Variants in CC2D2B observed in about 807,000 individuals in gnomAD.
CC2D2B encodes coiled-coil and C2 domain containing 2B.
A neutral mutation model predicts 161.2 loss-of-function variants in CC2D2B; 128 were observed. That is an observed-to-expected ratio of 0.79 (90% CI 0.69 to 0.92). The LOEUF (loss-of-function observed/expected upper bound fraction) is 0.92. CC2D2B is among the 40% of genes least tolerant of loss of function. CC2D2B has a pLI of 0.00. For synonymous variants in CC2D2B, 391 were observed against 449.8 expected (o/e 0.87, Z 1.65); for missense variants, 1,173 against 1,375.1 (o/e 0.85, Z 2.32).
At chr10:95,988,929 C>T (rs1205484939) in intron 20 of CC2D2B, among the ~76,000 whole-genome samples, 1 of 152,132 alleles carries the variant, frequency 6.6e-6, no homozygotes, top group Non-Finnish European at 1.5e-5. Context: ...TCCTTAGTGC[C>T]TAGCATAGTA....
At chr10:96,013,440 A>G (rs1237455654) in intron 28 of CC2D2B, among the ~76,000 whole-genome samples, 1 of 151,524 alleles carries the variant, frequency 6.6e-6, no homozygotes, top group Non-Finnish European at 1.5e-5. Flanking sequence ...ACTTTAAAGT[A>G]CATGTTTAAT....
intron 6 of CC2D2B, among the ~76,000 whole-genome samples, chr10:95,935,645 T>A (rs904674247): frequency 1.3e-4 from 20 of 152,156 alleles, no homozygotes; most frequent in Non-Finnish European, 2.8e-4. Flanking sequence ...TTGGCTTCCT[T>A]CCTGTTTCTC....
At chr10:95,984,372 C>T (rs1014917598) in intron 19 of CC2D2B, among the ~76,000 whole-genome samples, 4 of 152,054 alleles carry the variant, frequency 2.6e-5, no homozygotes, top group African/African-American at 9.7e-5. Flanking sequence ...TGGAGAATTG[C>T]TTGTGGTGCT....
At position 95,963,487 on chromosome 10, in the gene CC2D2B, G is replaced by A. The variant is rs117636606; in HGVS notation, c.1250+1518G>A. Among the ~76,000 whole-genome samples, 141 of 152,176 alleles carry A rather than the reference G, an allele frequency of 9.3e-4. No individual in the cohort carries two copies. The East Asian group carries it at 0.025, about 27-fold the overall frequency. On this transcript the variant is annotated intron_variant, in intron 12 of 34. Transcript: ENST00000646931. Reference sequence around the variant, plus strand: ...TATCTCTAAATAAGGTAATTGAGTGGGCAGCTACGTGCATGGTCTGTGACA... The same window carrying A: ...TATCTCTAAATAAGGTAATTGAGTGAGCAGCTACGTGCATGGTCTGTGACA...
intron 2 of CC2D2B, among the ~76,000 whole-genome samples, chr10:95,915,353 A>T (rs1454006899): frequency 6.6e-6 from 1 of 152,174 alleles, no homozygotes; most frequent in African/African-American, 2.4e-5. Context: ...ATCATCTCCA[A>T]ACAAGGATAA....
intron 2 of CC2D2B, among the ~76,000 whole-genome samples, chr10:95,915,907 T>G (rs757705873): frequency 6.6e-6 from 1 of 152,170 alleles, no homozygotes; most frequent in Non-Finnish European, 1.5e-5. Flanking sequence ...CAGGGTAATA[T>G]TGGCCTTGTA....
chr10:95,930,789 G>A (rs192800084), intron 6 of CC2D2B, among the ~76,000 whole-genome samples: 2 of 152,308 alleles, frequency 1.3e-5, no homozygotes, highest in African/African-American at 4.8e-5. Flanking sequence ...TGGTTTGCCA[G>A]TATTTTATTG....
rs977111494 is a variant in CC2D2B, at chr10:95,923,382, C to T, written c.98-932C>T. Among the ~76,000 whole-genome samples the T allele has an allele frequency of 2.0e-5, 3 of 152,162 alleles. No homozygotes were observed. In the South Asian group the frequency reaches 6.2e-4, roughly 32 times the overall value. On this transcript the variant is annotated intron_variant, in intron 3 of 34. Transcript: ENST00000646931. ...ATTGCAGGCATAAGCCTCCTTTATA[C>T]CCTCAAAACTTTCCTTTTCTCTAAT...
chr10:95,993,790 T>G (rs1164448907), intron 22 of CC2D2B, among the ~76,000 whole-genome samples: 2 of 140,016 alleles, frequency 1.4e-5, no homozygotes, highest in African/African-American at 5.3e-5. Flanking sequence ...AGAGTATATA[T>G]ATATAGAGAG....
In CC2D2B at chr10:95,970,924, CTT is replaced by C. The variant is rs1394436921; in HGVS notation, c.1645-1140_1645-1139del. On this transcript the variant is annotated intron_variant, in intron 15 of 34. Coordinates refer to ENST00000646931, the MANE Select transcript of CC2D2B (RefSeq NM_001349008.3). ...CTAGAAAAAATATGTGCCTCTTTGA[CTT>C]TCCTTTTTCTTTGCTTTCTTGGCTA... Among the ~76,000 whole-genome samples, 10 of 152,084 alleles carry C rather than the reference CTT, an allele frequency of 6.6e-5. No individual in the cohort carries two copies. In the East Asian group the frequency reaches 1.7e-3, roughly 26 times the overall value.
intron 9 of CC2D2B, among the ~76,000 whole-genome samples, chr10:95,947,115 T>TATATATATA (rs1564609188): frequency 1.5e-3 from 40 of 26,192 alleles, no homozygotes; most frequent in East Asian, 1.8e-3. Context: ...ATATATATAT[T>TATATATATA]TTTTTTTTTT....
intron 9 of CC2D2B, among the ~76,000 whole-genome samples, chr10:95,944,965 G>T (rs535764077): frequency 6.6e-6 from 1 of 152,158 alleles, no homozygotes; most frequent in African/African-American, 2.4e-5. Flanking sequence ...AAGGCAATTA[G>T]GCCATTAAGG....
At chr10:95,971,757 TAAAG>T (rs916230115) in intron 15 of CC2D2B, among the ~76,000 whole-genome samples, 3 of 152,214 alleles carry the variant, frequency 2.0e-5, no homozygotes, top group African/African-American at 2.4e-5. Flanking sequence ...TTACATGAGA[TAAAG>T]AATTTTTAAA....
At chr10:95,926,488 C>A (rs2098538682) in intron 5 of CC2D2B, among the ~76,000 whole-genome samples, 1 of 151,560 alleles carries the variant, frequency 6.6e-6, no homozygotes, top group Non-Finnish European at 1.5e-5. Context: ...TTTTATCTTA[C>A]AAGATAAAAT....
intron 9 of CC2D2B, among the ~76,000 whole-genome samples, chr10:95,946,449 A>G (rs1237563182): frequency 6.6e-6 from 1 of 152,160 alleles, no homozygotes; most frequent in African/African-American, 2.4e-5. Context: ...ACAAGACAGG[A>G]TTCTCTAGCT....
intron 1 of CC2D2B, among the ~76,000 whole-genome samples, chr10:95,908,302 ATAT>A (rs2098499709): frequency 6.6e-6 from 1 of 152,232 alleles, no homozygotes; most frequent in African/African-American, 2.4e-5. Context: ...ACGGGTCGGC[ATAT>A]TATTAATTCA....
intron 8 of CC2D2B, 26 bp downstream of exon 8, chr10:95,938,731 A>G (rs2075916143): frequency 1.4e-6 from 1 of 704,398 alleles, no homozygotes; most frequent in African/African-American, 1.8e-5. Flanking sequence ...AACAAGTTAA[A>G]ACACTGGCTA....
chr10:96,003,821 CAACTAGCAGA>C (rs1267695696), intron 24 of CC2D2B, among the ~76,000 whole-genome samples: 1 of 152,136 alleles, frequency 6.6e-6, no homozygotes, highest in African/African-American at 2.4e-5. Context: ...CTCTATGTGT[CAACTAGCAGA>C]AACTAGCAGA....
intron 2 of CC2D2B, chr10:95,913,582 A>G (rs972803355): frequency 5.9e-6 from 1 of 169,696 alleles, no homozygotes; most frequent in African/African-American, 2.4e-5. Flanking sequence ...CATTCCCACC[A>G]ACAGTGTATT....
Sources: allele counts gnomAD v4.1 joint callset (sites outside exome capture counted in the v4.1 genomes callset), GRCh38; gene constraint gnomAD v4.1.1; transcripts MANE v1.5; gene names NCBI Gene and HGNC (gene_info 2026-07-23, HGNC 2026-07-21).